Variants in MIER3 observed in about 807,000 individuals in gnomAD.
The protein encoded by MIER3 is MIER family member 3, also known as mesoderm induction early response protein 3.
MIER3 carries 9 observed loss-of-function variants against 63.2 expected under a neutral mutation model. The ratio of observed to expected loss-of-function variants is 0.14; its 90% CI spans 0.09 to 0.25. The LOEUF (loss-of-function observed/expected upper bound fraction) is 0.25, where lower values mean the gene tolerates loss of function less well. Ranked by LOEUF, MIER3 falls within the 10% of genes least tolerant of loss-of-function variation. The probability of loss-of-function intolerance (pLI) is 1.00; values close to 1 mark genes in which losing one functional copy is unlikely to be tolerated. For synonymous variants in MIER3, 205 were observed against 224.9 expected, an observed-to-expected ratio of 0.91 and a Z score of 0.79; for missense variants, 512 against 666.2, an observed-to-expected ratio of 0.77 and a Z score of 2.55.
rs1316487853 is a variant in MIER3, at chr5:56,952,088, G to A, written c.9+6C>T. The A allele has an allele frequency of 7.7e-7, 1 of 1,304,038 alleles. No individual in the cohort carries two copies. The allele number at this position is 1,304,038 out of a possible 1,614,324, so 80.8% of individuals were successfully genotyped here. ...CCGGCTGCTCCTGCCCGGTTTCCCT[G>A]CTCACCTCCGCCATATTGGTACCTT... On this transcript the variant is annotated splice_donor_region_variant and intron_variant, in intron 1 of 12. Transcript: ENST00000381199.
At chr5:56,932,511 CAA>C (rs1281601239) in intron 8 of MIER3, among the ~76,000 whole-genome samples, 5 of 152,056 alleles carry the variant, frequency 3.3e-5, no homozygotes, top group Non-Finnish European at 7.4e-5. Context: ...CTTCAGAATT[CAA>C]GTTTGTGTCT....
intron 3 of MIER3, among the ~76,000 whole-genome samples, chr5:56,944,943 C>T (rs560521592): frequency 6.9e-4 from 105 of 152,274 alleles, no homozygotes; most frequent in African/African-American, 2.0e-3. Context: ...GCGATCATCC[C>T]ACTTCAGCCT....
Position 56,935,464 on chromosome 5 carries a change from G to A in MIER3, c.559C>T (p.Pro187Ser). ...MIGLQYQAEI[P>S]PYLGEYDGNE... Reference sequence around the variant, plus strand: ...CCATCGTACTCTCCAAGATAAGGGGGAATCTCTGCCTGATATTGTAAACCA... The same window carrying A: ...CCATCGTACTCTCCAAGATAAGGGGAAATCTCTGCCTGATATTGTAAACCA... Residue 187 changes from proline (P) to serine (S), a missense_variant, in exon 7 of 13, where the codon CCC becomes TCC. Around this residue, in one of 5 missense-constraint regions of MIER3, gnomAD observed 118 missense variants for 133.6 expected, o/e 0.88. Coordinates refer to ENST00000381199, the MANE Select transcript of MIER3 (RefSeq NM_001297599.2). 6.3e-7 allele frequency: 1 copy of A among 1,595,046 alleles called. No homozygotes were observed. Among genetic ancestry groups the A allele is most frequent in the Non-Finnish European group, 8.5e-7 (1 of 1,174,656 alleles).
rs1340554764 is a variant in MIER3, at chr5:56,920,103, C to T, written c.*3025G>A. 6.6e-6 allele frequency: 1 copy of T among 152,484 alleles called. No individual in the cohort carries two copies. The highest frequency in any genetic ancestry group is 2.4e-5 in the African/African-American group (1 of 41,398). The allele number at this position is 152,484 out of a possible 1,614,324, so 9.4% of individuals were successfully genotyped here. A position where few individuals can be genotyped will look rare whatever the true frequency, so the allele number is the denominator to read the frequency against. On this transcript the variant is annotated 3_prime_UTR_variant, in exon 13 of 13. Transcript: ENST00000381199. ...ACTATGCTCTATTAGATCTGATGTT[C>T]TCAAATATTTATGAGCCTCAACATT...
chr5:56,942,921 T>C (rs1443061789), intron 3 of MIER3, among the ~76,000 whole-genome samples: 5 of 152,056 alleles, frequency 3.3e-5, no homozygotes, highest in East Asian at 1.9e-4. Context: ...CAAGGTAGGA[T>C]TGCTCGAGCC....
Position 56,920,724 on chromosome 5 carries a change from C to G in MIER3, c.*2404G>C, listed in dbSNP as rs1010674573. On this transcript the variant is annotated 3_prime_UTR_variant, in exon 13 of 13. Transcript: ENST00000381199. ...GTGGTACAATTTATGAATGTCACAT[C>G]AAGCATGCACAAAAATGGTATTATA... 1.3e-5 allele frequency: 2 copies of G among 152,052 alleles called. No homozygotes were observed. The highest frequency in any genetic ancestry group is 2.4e-5 in the African/African-American group (1 of 41,384). The allele number at this position is 152,052 out of a possible 1,614,324, so 9.4% of individuals were successfully genotyped here.
At position 56,921,252 on chromosome 5, in the gene MIER3, T is replaced by A. The variant is rs910438457; in HGVS notation, c.*1876A>T. 7.2e-5 allele frequency: 11 copies of A among 152,654 alleles called. No homozygotes were observed. Among genetic ancestry groups the A allele is most frequent in the Admixed American group, 7.2e-4 (11 of 15,298 alleles). 9.5% of individuals were successfully genotyped at this position (152,654 alleles called of 1,614,324 possible). On this transcript the variant is annotated 3_prime_UTR_variant, in exon 13 of 13. Transcript: ENST00000381199. The stretch of plus-strand genomic sequence containing the variant: ...TAACAATGGAAGATTATGGCCAGTA[T>A]CTTACTAAATTATAGAAAGTGTACT...
At chr5:56,934,256 C>G (rs1423845009) in intron 7 of MIER3, among the ~76,000 whole-genome samples, 1 of 152,050 alleles carries the variant, frequency 6.6e-6, no homozygotes, top group Non-Finnish European at 1.5e-5. Context: ...CTGTAGGAGG[C>G]AGGCATTGTC....
chr5:56,952,115 A>C lies in MIER3; in HGVS notation c.-13T>G. The C allele has an allele frequency of 7.8e-7, 1 of 1,274,598 alleles. No homozygotes were observed. Among genetic ancestry groups the C allele is most frequent in the Non-Finnish European group, 1.0e-6 (1 of 991,978 alleles). The allele number at this position is 1,274,598 out of a possible 1,614,324, so 79.0% of individuals were successfully genotyped here. A position where few individuals can be genotyped will look rare whatever the true frequency, so the allele number is the denominator to read the frequency against. Reference sequence around the variant, plus strand: ...TCACCTCCGCCATATTGGTACCTTTAGGGCGAACGAGCAGCGCCGAGCCCA... The same window carrying C: ...TCACCTCCGCCATATTGGTACCTTTCGGGCGAACGAGCAGCGCCGAGCCCA... On this transcript the variant is annotated 5_prime_UTR_variant, in exon 1 of 13. Transcript: ENST00000381199.
intron 3 of MIER3, 49 bp from the exon 4 acceptor site, chr5:56,939,066 G>A (rs1273515846): frequency 2.5e-6 from 4 of 1,598,310 alleles, no homozygotes; most frequent in Non-Finnish European, 3.4e-6. Context: ...TCACAATACT[G>A]AACTGCAGGT....
At chr5:56,926,044 A>T (rs1041233063) in intron 10 of MIER3, among the ~76,000 whole-genome samples, 6 of 149,794 alleles carry the variant, frequency 4.0e-5, no homozygotes, top group Non-Finnish European at 6.0e-5. Flanking sequence ...ACATCCACAT[A>T]AAAAAAAAGA....
intron 8 of MIER3, 123 bp downstream of exon 8, chr5:56,933,124 C>T (rs561375344): frequency 8.4e-4 from 868 of 1,035,480 alleles, no homozygotes; most frequent in Non-Finnish European, 1.0e-3. Context: ...CAGTATTTTG[C>T]ATATTTTAAA....
At chr5:56,931,679 A>T (rs1750272465) in intron 8 of MIER3, among the ~76,000 whole-genome samples, 1 of 152,204 alleles carries the variant, frequency 6.6e-6, no homozygotes, top group South Asian at 2.1e-4. Flanking sequence ...CCTTAGATGT[A>T]TTACTTCCAC....
Position 56,943,644 on chromosome 5 carries a change from T to A in MIER3, c.180+3282A>T, listed in dbSNP as rs147126892. On this transcript the variant is annotated intron_variant, in intron 3 of 12. Coordinates refer to ENST00000381199, the MANE Select transcript of MIER3 (RefSeq NM_001297599.2). The stretch of plus-strand genomic sequence containing the variant: ...CACACATCATTTGCACCAAAACTTT[T>A]AAAGCAAAACTGGAAAAGGTGAATC... Among the ~76,000 whole-genome samples the A allele has an allele frequency of 9.2e-5, 14 of 152,306 alleles. No individual in the cohort carries two copies. In the East Asian group the frequency reaches 2.7e-3, roughly 29 times the overall value.
At chr5:56,951,576 C>G (rs1182681084) in intron 1 of MIER3, among the ~76,000 whole-genome samples, 2 of 152,178 alleles carry the variant, frequency 1.3e-5, no homozygotes, top group East Asian at 3.9e-4. Context: ...CTCCGCGCCC[C>G]CAGCAAAGTG....
intron 2 of MIER3, among the ~76,000 whole-genome samples, chr5:56,950,140 A>C (rs1750968209): frequency 6.6e-6 from 1 of 152,206 alleles, no homozygotes; most frequent in Non-Finnish European, 1.5e-5. Flanking sequence ...TTTTTTATTA[A>C]GGTAGCTTTA....
intron 3 of MIER3, among the ~76,000 whole-genome samples, chr5:56,945,848 C>T (rs993660660): frequency 6.6e-6 from 1 of 152,128 alleles, no homozygotes; most frequent in Non-Finnish European, 1.5e-5. Flanking sequence ...TAAGAGAATA[C>T]ACTATTTCAA....
At chr5:56,951,988 G>T in intron 1 of MIER3, 106 bp downstream of exon 1, 2 of 976,302 alleles carry the variant, frequency 2.0e-6, no homozygotes, top group African/African-American at 1.8e-5. Flanking sequence ...CGCCCCTCAT[G>T]GGGCAGCGGA....
chr5:56,941,247 G>T, intron 3 of MIER3: 2 of 599,940 alleles, frequency 3.3e-6, no homozygotes, highest in Non-Finnish European at 4.2e-6. Flanking sequence ...ATAGACAAGG[G>T]CAGACCTACA....
Sources: gnomAD v4.1 joint callset for allele counts (sites outside exome capture counted in the v4.1 genomes callset) on GRCh38, gnomAD v4.1.1 for gene constraint, gnomAD v4.1.1 regional missense constraint, MANE v1.5 for transcripts, NCBI Gene and HGNC (gene_info 2026-07-23, HGNC 2026-07-21) for gene names.